The following MED19 variants were observed in gnomAD, a reference collection of about 807,000 sequenced individuals.
MED19 encodes mediator of RNA polymerase II transcription subunit 19.
MED19 carries 4 observed loss-of-function variants against 19.9 expected under a neutral mutation model. The observed-to-expected ratio is 0.20, with a 90% CI of 0.10 to 0.46. The LOEUF is 0.46. Ranked by LOEUF, MED19 falls within the 20% of genes least tolerant of loss-of-function variation. The pLI is 0.99. For synonymous variants in MED19, 139 were observed against 119.6 expected, an observed-to-expected ratio of 1.16 and a Z score of -1.06; for missense variants, 303 against 318.7, an observed-to-expected ratio of 0.95 and a Z score of 0.38.
At chr11:57,707,012 A>G (rs1456789769) in intron 1 of MED19, among the ~76,000 whole-genome samples, 3 of 152,176 alleles carry the variant, frequency 2.0e-5, no homozygotes, top group African/African-American at 7.2e-5. Context: ...AGCCTGGCCA[A>G]TATGGTGAAA....
chr11:57,712,159 C>G (rs1196157003), exon 1 of MED19: 1 of 1,530,314 alleles, frequency 6.5e-7, no homozygotes, highest in Admixed American at 2.1e-5. Context: ...GAGCCCCAAA[C>G]AGTGCCGTGA....
At chr11:57,708,182 C>T (rs1029280231) in intron 1 of MED19, among the ~76,000 whole-genome samples, 5 of 151,968 alleles carry the variant, frequency 3.3e-5, no homozygotes, top group Admixed American at 2.0e-4. Flanking sequence ...TTGCCAACAT[C>T]ACTCAGGGCT....
intron 1 of MED19, among the ~76,000 whole-genome samples, chr11:57,708,158 T>A (rs373072520): frequency 6.6e-6 from 1 of 152,128 alleles, no homozygotes. Context: ...AAAATTGTTT[T>A]GAAATTCCAA....
At chr11:57,703,979 T>C in exon 5 of MED19, 2 of 1,529,992 alleles carry the variant, frequency 1.3e-6, no homozygotes. Flanking sequence ...AAGGCAGCTT[T>C]TATCAGCAGG....
intron 1 of MED19, among the ~76,000 whole-genome samples, chr11:57,709,729 A>G (rs1946542972): frequency 6.6e-6 from 1 of 151,860 alleles, no homozygotes; most frequent in Non-Finnish European, 1.5e-5. Flanking sequence ...TAGCTAATTT[A>G]TTTTTATTTT....
chr11:57,705,563 A>G (rs1946499733), intron 1 of MED19, among the ~76,000 whole-genome samples: 1 of 151,912 alleles, frequency 6.6e-6, no homozygotes, highest in African/African-American at 2.4e-5. Flanking sequence ...CTGGGGCAGG[A>G]CAATCACTTG....
At chr11:57,704,882 T>C (rs1946489501) in intron 2 of MED19, 67 bp from the exon 3 acceptor site, 2 of 1,608,720 alleles carry the variant, frequency 1.2e-6, no homozygotes, top group Non-Finnish European at 1.7e-6. Context: ...TATCATCCAT[T>C]CTGCTCCATT....
chr11:57,704,308 T>G (rs541926524), exon 4 of MED19: 1 of 1,534,596 alleles, frequency 6.5e-7, no homozygotes, highest in African/African-American at 1.4e-5. Flanking sequence ...CTACCTTCTT[T>G]TTCTTCTTCT....
rs759165444 is a variant in MED19 at position 57,704,658 on chromosome 11, CAGA to C, written c.571+58_571+60del. On this transcript the variant is annotated intron_variant, in intron 3 of 4. Coordinates refer to ENST00000431606, the Ensembl canonical transcript of MED19. ...TACCTATGGAAGTTCAAACCAGATTCAGAAGGTCAGGTTTTTTTTTTTTTTTTT... is the reference window on the plus strand; with the variant it reads ...TACCTATGGAAGTTCAAACCAGATTCAGGTCAGGTTTTTTTTTTTTTTTTT... 4 of 1,292,602 alleles carry C rather than the reference CAGA, an allele frequency of 3.1e-6. No homozygotes were observed. The South Asian group carries it at 3.7e-5, about 12-fold the overall frequency. The allele number at this position is 1,292,602 out of a possible 1,614,324, so 80.1% of individuals were successfully genotyped here.
Position 57,711,860 on chromosome 11 carries a change from G to A in MED19, c.217+103C>T. ...TTAGGGCTCCACAGTCCGGGTATGC[G>A]TTGCCTAGGTTACCTCGCACCTCCG... is the stretch of plus-strand genomic sequence containing the variant. On this transcript the variant is annotated intron_variant, in intron 1 of 4. Transcript: ENST00000431606. 2.3e-6 allele frequency: 3 copies of A among 1,283,814 alleles called. No homozygotes were observed. The African/African-American group carries it at 4.7e-5, about 20-fold the overall frequency. The allele number at this position is 1,283,814 out of a possible 1,614,324, so 79.5% of individuals were successfully genotyped here.
exon 2 of MED19, chr11:57,705,160 A>G: frequency 6.2e-7 from 1 of 1,614,152 alleles, no homozygotes; most frequent in East Asian, 2.2e-5. Flanking sequence ...CTTCCCACAG[A>G]ATTTATTATA....
chr11:57,711,107 G>A (rs865852330), intron 1 of MED19, among the ~76,000 whole-genome samples: 1 of 152,220 alleles, frequency 6.6e-6, no homozygotes, highest in African/African-American at 2.4e-5. Context: ...CATCTTGTCA[G>A]TCTTGTTCAC....
intron 1 of MED19, among the ~76,000 whole-genome samples, chr11:57,710,247 A>G (rs1228985919): frequency 1.3e-5 from 2 of 152,186 alleles, no homozygotes; most frequent in Non-Finnish European, 2.9e-5. Flanking sequence ...CTGTAGTCCT[A>G]GCTACTTGGA....
intron 4 of MED19, 29 bp from the exon 5 acceptor site, chr11:57,704,135 A>G: frequency 1.3e-6 from 2 of 1,536,044 alleles, no homozygotes; most frequent in Admixed American, 2.0e-5. Context: ...GGGTAAGAAC[A>G]ACTAGGAACT....
rs1351365575 is a variant in MED19 at position 57,704,110 on chromosome 11, G to A, written c.667-4C>T. 1.3e-6 allele frequency: 2 copies of A among 1,536,146 alleles called. No homozygotes were observed. The highest frequency in any genetic ancestry group is 1.7e-6 in the Non-Finnish European group (2 of 1,146,926). ...GGTGGTCTGGACTATGTCGATTCTG[G>A]GGGAGAAAGAAGCAGGGTAAGAACA... On this transcript the variant is annotated splice_polypyrimidine_tract_variant and splice_region_variant and intron_variant, in intron 4 of 4. Transcript: ENST00000431606.
exon 1 of MED19, chr11:57,711,963 C>T: frequency 6.9e-7 from 1 of 1,452,332 alleles, no homozygotes; most frequent in South Asian, 1.4e-5. Flanking sequence ...GAGTACTCAC[C>T]TGGCAGTTCC....
At chr11:57,710,632 T>A (rs1379338806) in intron 1 of MED19, among the ~76,000 whole-genome samples, 1 of 152,190 alleles carries the variant, frequency 6.6e-6, no homozygotes, top group African/African-American at 2.4e-5. Flanking sequence ...GCTTACATTT[T>A]AGTTCAAATG....
At chr11:57,704,053 G>A (rs1276944084) in exon 5 of MED19, 1 of 1,536,142 alleles carries the variant, frequency 6.5e-7, no homozygotes, top group Admixed American at 2.0e-5. Flanking sequence ...GTAGGCTGCT[G>A]CTGCTGCTGG....
intron 1 of MED19, among the ~76,000 whole-genome samples, chr11:57,707,060 T>C (rs1946516704): frequency 6.6e-6 from 1 of 152,046 alleles, no homozygotes. Context: ...TAGCTGGGTG[T>C]GGTGGCATGC....
Sources: allele counts gnomAD v4.1 joint callset (sites outside exome capture counted in the v4.1 genomes callset), GRCh38; gene constraint gnomAD v4.1.1; transcripts MANE v1.5; gene names NCBI Gene and HGNC (gene_info 2026-07-23, HGNC 2026-07-21).